COL26A1: variants seen among roughly 807,000 people sequenced by gnomAD.
COL26A1 encodes collagen alpha-1(XXVI) chain.
COL26A1 carries 41 observed loss-of-function variants against 59.3 expected under a neutral mutation model. The observed-to-expected ratio is 0.69, with a 90% CI of 0.54 to 0.90. The LOEUF (loss-of-function observed/expected upper bound fraction) is 0.90, where lower values mean the gene tolerates loss of function less well. Ranked by LOEUF, COL26A1 falls within the 40% of genes least tolerant of loss-of-function variation. The pLI is 0.00. For missense variants in COL26A1, 612 were observed against 602.3 expected, an observed-to-expected ratio of 1.02 and a Z score of -0.17; for synonymous variants, 266 against 256.0, an observed-to-expected ratio of 1.04 and a Z score of -0.37.
At chr7:101,384,779 A>T (rs781060980) in intron 1 of COL26A1, among the ~76,000 whole-genome samples, 2 of 152,168 alleles carry the variant, frequency 1.3e-5, no homozygotes, top group Non-Finnish European at 2.9e-5. Context: ...GTGAAGTCCC[A>T]TAATAAGCCG....
chr7:101,549,951 G>T (rs1340716963), intron 9 of COL26A1, among the ~76,000 whole-genome samples: 1 of 152,172 alleles, frequency 6.6e-6, no homozygotes, highest in Non-Finnish European at 1.5e-5. Context: ...GGTTCGCCCT[G>T]CCTCTGCAGC....
chr7:101,401,703 T>TAGGAGGAGGAGGAAGAGTAGG (rs141869729), intron 1 of COL26A1, among the ~76,000 whole-genome samples: 1 of 111,288 alleles, frequency 9.0e-6, no homozygotes, highest in Non-Finnish European at 2.0e-5. Context: ...GGAGGAAGAG[T>TAGGAGGAGGAGGAAGAGTAGG]AGGAGGTAGA....
At position 101,558,181 on chromosome 7, in the gene COL26A1, C is replaced by G. The variant is rs954839248; in HGVS notation, c.*651C>G. The G allele has an allele frequency of 6.6e-6, 1 of 152,462 alleles. No homozygotes were observed. The highest frequency in any genetic ancestry group is 2.4e-5 in the African/African-American group (1 of 41,472). 9.4% of individuals were successfully genotyped at this position (152,462 alleles called of 1,614,324 possible). On this transcript the variant is annotated 3_prime_UTR_variant, in exon 13 of 13. Transcript: ENST00000313669. ...AGGGTCCTGCAGGGCCTGGGGCTTCCCTTCCTCATCCCCCTTCCCCACTGG... is the reference window on the plus strand; with the variant it reads ...AGGGTCCTGCAGGGCCTGGGGCTTCGCTTCCTCATCCCCCTTCCCCACTGG...
chr7:101,509,328 C>A (rs1377583050), intron 3 of COL26A1, among the ~76,000 whole-genome samples: 3 of 151,714 alleles, frequency 2.0e-5, no homozygotes, highest in African/African-American at 7.3e-5. Context: ...CGCCTGTAAT[C>A]CCAGCTGCTC....
chr7:101,459,632 T>A (rs1415836999), intron 3 of COL26A1, among the ~76,000 whole-genome samples: 1 of 151,620 alleles, frequency 6.6e-6, no homozygotes, highest in African/African-American at 2.4e-5. Flanking sequence ...GACCGTGGAG[T>A]TTTAAGGCCC....
chr7:101,545,932 AG>A (rs1261897230), intron 7 of COL26A1, among the ~76,000 whole-genome samples: 1 of 152,248 alleles, frequency 6.6e-6, no homozygotes, highest in Admixed American at 6.5e-5. Context: ...CCCTCACTGC[AG>A]GTCATTCAGC....
chr7:101,448,583 C>G lies in COL26A1; in HGVS notation c.385+796C>G, dbSNP rs959973416. On this transcript the variant is annotated intron_variant, in intron 3 of 12. Coordinates refer to ENST00000313669, the MANE Select transcript of COL26A1 (RefSeq NM_001278563.3). ...TCATGGCTCACTGCAGCCTCGAACT[C>G]CTGGGCTCAATTGATCCTCCCACTT... 3.3e-5 allele frequency among the ~76,000 whole-genome samples: 5 copies of G among 152,034 alleles called. No homozygotes were observed. In the East Asian group the frequency reaches 9.6e-4, roughly 29 times the overall value.
At chr7:101,462,964 A>C (rs1461550979) in intron 3 of COL26A1, among the ~76,000 whole-genome samples, 1 of 152,146 alleles carries the variant, frequency 6.6e-6, no homozygotes, top group Non-Finnish European at 1.5e-5. Flanking sequence ...ATAAAAAGGA[A>C]AGGGGCCCAA....
At chr7:101,544,948 G>A (rs1046549898) in intron 6 of COL26A1, among the ~76,000 whole-genome samples, 1 of 152,122 alleles carries the variant, frequency 6.6e-6, no homozygotes, top group Non-Finnish European at 1.5e-5. Context: ...ACTCCTCCTG[G>A]GTCCTGCCGG....
At chr7:101,417,850 T>C (rs2130266285) in intron 1 of COL26A1, among the ~76,000 whole-genome samples, 1 of 151,976 alleles carries the variant, frequency 6.6e-6, no homozygotes, top group African/African-American at 2.4e-5. Flanking sequence ...GCCTCCCAAG[T>C]AGCTGGGTCT....
At chr7:101,390,159 T>G (rs1472680817) in intron 1 of COL26A1, among the ~76,000 whole-genome samples, 3 of 136,886 alleles carry the variant, frequency 2.2e-5, no homozygotes, top group Non-Finnish European at 4.7e-5. Flanking sequence ...TTTTTTTTTT[T>G]TTTTTTTTTT....
intron 3 of COL26A1, among the ~76,000 whole-genome samples, chr7:101,483,059 C>A (rs1794189820): frequency 6.6e-6 from 1 of 152,040 alleles, no homozygotes; most frequent in South Asian, 2.1e-4. Flanking sequence ...ACGGCCTCAA[C>A]CTCTTACAAC....
At chr7:101,452,780 T>A (rs1363615392) in intron 3 of COL26A1, among the ~76,000 whole-genome samples, 2 of 151,956 alleles carry the variant, frequency 1.3e-5, no homozygotes, top group Non-Finnish European at 2.9e-5. Flanking sequence ...TTAATTTTTT[T>A]TTTTGAGATG....
chr7:101,491,001 T>A (rs1173579390), intron 3 of COL26A1, among the ~76,000 whole-genome samples: 3 of 95,550 alleles, frequency 3.1e-5, no homozygotes, highest in African/African-American at 5.6e-5. Flanking sequence ...AAAAAAAAAA[T>A]TAGCTGGGCA....
intron 1 of COL26A1, among the ~76,000 whole-genome samples, chr7:101,365,675 C>T (rs1791027720): frequency 6.6e-6 from 1 of 152,114 alleles, no homozygotes; most frequent in Non-Finnish European, 1.5e-5. Flanking sequence ...CTGCCTGCCT[C>T]AGCCTCCCGA....
intron 3 of COL26A1, among the ~76,000 whole-genome samples, chr7:101,530,239 C>G (rs1244571428): frequency 1.3e-5 from 2 of 152,000 alleles, no homozygotes; most frequent in Non-Finnish European, 2.9e-5. Context: ...GGACTTCTTT[C>G]AGCCGCACAG....
chr7:101,444,849 G>C (rs369074499), intron 2 of COL26A1, among the ~76,000 whole-genome samples: 1 of 119,998 alleles, frequency 8.3e-6, no homozygotes, highest in Non-Finnish European at 2.0e-5. Flanking sequence ...TATTTTGTTT[G>C]TTTATTTTTT....
chr7:101,509,268 A>G (rs748662767), intron 3 of COL26A1, among the ~76,000 whole-genome samples: 44 of 151,904 alleles, frequency 2.9e-4, no homozygotes, highest in Non-Finnish European at 5.1e-4. Flanking sequence ...AACATGATGA[A>G]ACCCACTTCT....
rs536922717 is a variant in COL26A1 at position 101,408,959 on chromosome 7, C to T, written c.159-11018C>T. Among the ~76,000 whole-genome samples, 6 of 152,358 alleles carry T rather than the reference C, an allele frequency of 3.9e-5. No homozygotes were observed. In the South Asian group the frequency reaches 6.2e-4, roughly 16 times the overall value. ...GACAGCCACGTGCCAAGACCCAGAT[C>T]GTCTGGCTGTTTAGCAAAGTGTCTA... On this transcript the variant is annotated intron_variant, in intron 1 of 12. Coordinates refer to ENST00000313669, the MANE Select transcript of COL26A1 (RefSeq NM_001278563.3).
Sources: allele counts gnomAD v4.1 joint callset (sites outside exome capture counted in the v4.1 genomes callset), GRCh38; gene constraint gnomAD v4.1.1; transcripts MANE v1.5; gene names NCBI Gene and HGNC (gene_info 2026-07-23, HGNC 2026-07-21).